Variants in MYCBPAP observed in about 807,000 individuals in gnomAD.
MYCBPAP encodes MYCBP-associated protein.
MYCBPAP carries 60 observed loss-of-function variants against 106.1 expected under a neutral mutation model. The ratio of observed to expected loss-of-function variants is 0.57; its 90% CI spans 0.46 to 0.70. MYCBPAP has a LOEUF of 0.70. Ranked by LOEUF, MYCBPAP falls within the 30% of genes least tolerant of loss-of-function variation. The pLI is 0.00. For synonymous variants in MYCBPAP, 407 were observed against 440.6 expected, an observed-to-expected ratio of 0.92 and a Z score of 0.95; for missense variants, 1,064 against 1,169.3, an observed-to-expected ratio of 0.91 and a Z score of 1.31.
At chr17:50,519,191 C>A in intron 6 of MYCBPAP, 102 bp downstream of exon 6, 1 of 804,382 alleles carries the variant, frequency 1.2e-6, no homozygotes, top group Non-Finnish European at 2.0e-6. Flanking sequence ...GGTGGCACAG[C>A]TGGGGAGAAA....
chr17:50,529,734 G>A (rs2034574055), intron 18 of MYCBPAP: 1 of 456,170 alleles, frequency 2.2e-6, no homozygotes, highest in African/African-American at 2.0e-5. Context: ...CAGAGAGGAA[G>A]GAAGCCCTTC....
At chr17:50,516,420 C>T in intron 1 of MYCBPAP, 150 bp from the exon 2 acceptor site, 1 of 969,060 alleles carries the variant, frequency 1.0e-6, no homozygotes, top group East Asian at 2.8e-5. Context: ...ACCCAGGCCA[C>T]CTTGGCAGCC....
At chr17:50,510,591 T>TCATAGC (rs939980428) in intron 1 of MYCBPAP, among the ~76,000 whole-genome samples, 1 of 142,864 alleles carries the variant, frequency 7.0e-6, no homozygotes, top group African/African-American at 2.6e-5. Context: ...CGTGGTACAG[T>TCATAGC]CATAGGTCAC....
chr17:50,529,092 T>C lies in MYCBPAP; in HGVS notation c.2628T>C (p.Phe876=). 1 of 1,614,152 alleles carries C rather than the reference T, an allele frequency of 6.2e-7. No homozygotes were observed. Among genetic ancestry groups the C allele is most frequent in the Middle Eastern group, 1.7e-4 (1 of 6,026 alleles). Residue 876 remains phenylalanine, a synonymous_variant, in exon 18 of 19, where the codon TTT becomes TTC. Transcript: ENST00000323776. ...KVIKSASQDR[F]SLEDPTPDII... is the part of the protein sequence containing the mutation. ...TAAAATCTGCAAGTCAGGACAGGTT[T>C]TCTTTGGAAGACCCTACCCCTGACA...
Position 50,522,989 on chromosome 17 carries a change from G to A in MYCBPAP, c.1308G>A (p.Glu436=). 1 of 1,613,934 alleles carries A rather than the reference G, an allele frequency of 6.2e-7. No homozygotes were observed. The highest frequency in any genetic ancestry group is 8.5e-7 in the Non-Finnish European group (1 of 1,179,886). The change falls in exon 11 of 19, where the codon GAG becomes GAA. Residue 436 remains glutamate, a synonymous_variant. Transcript: ENST00000323776. ...AHLTFETLEG[E]KTSSELTVVN... ...TGACCTTTGAAACCCTAGAAGGCGA[G>A]AAAACCTCCTCAGAACTGACTGTGG...
rs920888173 is a variant in MYCBPAP, at chr17:50,529,688, C to T, written c.2724+500C>T. ...GGGTCTGATAGGCTTTAGAAGGTGG[C>T]TCTGGCCGCCCTTTGGAGAACAGAC... On this transcript the variant is annotated intron_variant, in intron 18 of 18. Transcript: ENST00000323776. 4 of 451,820 alleles carry T rather than the reference C, an allele frequency of 8.9e-6. No homozygotes were observed. In the Admixed American group the frequency reaches 9.4e-5, roughly 11 times the overall value. The allele number at this position is 451,820 out of a possible 1,614,324, so 28.0% of individuals were successfully genotyped here.
At chr17:50,518,816 C>A in intron 5 of MYCBPAP, 92 bp downstream of exon 5, 1 of 1,521,484 alleles carries the variant, frequency 6.6e-7, no homozygotes, top group South Asian at 1.2e-5. Flanking sequence ...TGGCCTTGGG[C>A]TGACCACATT....
At chr17:50,530,697 C>T (rs1173091335) in intron 18 of MYCBPAP, among the ~76,000 whole-genome samples, 1 of 151,910 alleles carries the variant, frequency 6.6e-6, no homozygotes, top group Non-Finnish European at 1.5e-5. Context: ...GGGTCAGTCC[C>T]AGAGACCTTT....
In MYCBPAP at chr17:50,526,081, G is replaced by A. The variant is rs910962598; in HGVS notation, c.1983G>A (p.Glu661=). 1 of 1,613,944 alleles carries A rather than the reference G, an allele frequency of 6.2e-7. No individual in the cohort carries two copies. Among genetic ancestry groups the A allele is most frequent in the Non-Finnish European group, 8.5e-7 (1 of 1,180,028 alleles). The part of the protein sequence containing the change: ...PISETQVPRP[E]NEALRESGSQ... ...CCGAAACTCAAGTGCCCCGGCCTGA[G>A]AACGAGGCCCTCAGGGAATCCGGGT... The change falls in exon 14 of 19, where the codon GAG becomes GAA. Residue 661 remains glutamate, a synonymous_variant. Transcript: ENST00000323776.
intron 18 of MYCBPAP, chr17:50,529,797 C>T (rs1397810435): frequency 2.2e-6 from 1 of 456,580 alleles, no homozygotes; most frequent in Non-Finnish European, 4.4e-6. Context: ...CTTGGGAGAA[C>T]ACCATGCAGG....
In MYCBPAP at chr17:50,508,607, G is replaced by A. The variant is rs767627585; in HGVS notation, c.-68G>A. ...CGCAGTGGCGGCCGTTGGCTGGCGG[G>A]TGCGGCGCAGCCTCGGTGTCTCTGG... On this transcript the variant is annotated 5_prime_UTR_variant, in exon 1 of 19. It adds an upstream start codon to the 5' untranslated region. Coordinates refer to ENST00000323776, the MANE Select transcript of MYCBPAP (RefSeq NM_032133.6). The A allele has an allele frequency of 2.6e-6, 4 of 1,557,434 alleles. No homozygotes were observed. The highest frequency in any genetic ancestry group is 4.9e-5 in the East Asian group (2 of 41,120).
At chr17:50,519,523 A>G (rs555677723) in intron 6 of MYCBPAP, 117 bp from the exon 7 acceptor site, 4 of 1,246,212 alleles carry the variant, frequency 3.2e-6, no homozygotes, top group South Asian at 2.9e-5. Flanking sequence ...CACGGCAGCA[A>G]TGAATTCCCC....
rs185506571 is a variant in MYCBPAP, at chr17:50,521,492, T to C, written c.1148+61T>C. 51 of 1,280,646 alleles carry C rather than the reference T, an allele frequency of 4.0e-5. 1 individual carries two copies. The African/African-American group carries it at 6.7e-4, about 17-fold the overall frequency. The allele number at this position is 1,280,646 out of a possible 1,614,324, so 79.3% of individuals were successfully genotyped here. ...AGAGTTCTCCAGCACCTACCAGTAT[T>C]AAAGAGCGGGCTTCCCTCCCTGAGA... On this transcript the variant is annotated intron_variant, in intron 9 of 18. Transcript: ENST00000323776.
At chr17:50,508,323 C>T (rs900816232), upstream of MYCBPAP, 4 of 467,752 alleles carry the variant, frequency 8.6e-6, no homozygotes, top group Non-Finnish European at 1.1e-5. Context: ...TCCCACCCAG[C>T]CCTCGGCTCC....
At chr17:50,516,757 T>A in intron 2 of MYCBPAP, 60 bp downstream of exon 2, 1 of 1,602,400 alleles carries the variant, frequency 6.2e-7, no homozygotes, top group Non-Finnish European at 8.5e-7. Flanking sequence ...GCAGCCTGAG[T>A]GGTCTAGAAC....
At chr17:50,512,037 C>T (rs2033869706) in intron 1 of MYCBPAP, among the ~76,000 whole-genome samples, 1 of 151,006 alleles carries the variant, frequency 6.6e-6, no homozygotes, top group African/African-American at 2.5e-5. Flanking sequence ...ACCTCTCCAC[C>T]TCCCCAGCAA....
At position 50,528,226 on chromosome 17, in the gene MYCBPAP, T is replaced by C. The variant is rs1173244933; in HGVS notation, c.2363T>C (p.Leu788Pro). Residue 788 changes from leucine to proline, a missense_variant, in exon 16 of 19, where the codon CTG becomes CCG. Transcript: ENST00000323776. ...ATGTGGCTGAGGTCTGTGCTGGGCC[T>C]GCCTGAGAAGGAGACCATCTATTTG... Reference protein sequence around the residue: ...HSMWLRSVLGLPEKETIYLNV... With the variant: ...HSMWLRSVLGPPEKETIYLNV... The C allele has an allele frequency of 6.2e-7, 1 of 1,614,140 alleles. No individual in the cohort carries two copies. Among genetic ancestry groups the C allele is most frequent in the Admixed American group, 1.7e-5 (1 of 60,020 alleles).
Position 50,517,308 on chromosome 17 carries a change from C to T in MYCBPAP, c.220C>T (p.Leu74Phe). The T allele has an allele frequency of 6.2e-7, 1 of 1,614,150 alleles. No individual in the cohort carries two copies. The highest frequency in any genetic ancestry group is 8.5e-7 in the Non-Finnish European group (1 of 1,180,034). The change falls in exon 3 of 19, where the codon CTT becomes TTT. Residue 74 changes from leucine to phenylalanine, a missense_variant. Leu to Phe is a conservative substitution (Grantham distance 22). Coordinates refer to ENST00000323776, the MANE Select transcript of MYCBPAP (RefSeq NM_032133.6). ...TTCTTTTTAGCAACACATTCCTCGC[C>T]TTACTGAAAAGGAAGATAAACGTGT... ...EDLKEQHIPRLTEKEDKRVIT... is the reference protein window; with the variant it reads ...EDLKEQHIPRFTEKEDKRVIT...
At chr17:50,508,781 G>A in intron 1 of MYCBPAP, 31 bp downstream of exon 1, 1 of 1,578,190 alleles carries the variant, frequency 6.3e-7, no homozygotes, top group South Asian at 1.1e-5. Context: ...GCGCTCGGGA[G>A]AACCCGAGAG....
Sources: allele counts gnomAD v4.1 joint callset (sites outside exome capture counted in the v4.1 genomes callset), GRCh38; gene constraint gnomAD v4.1.1; transcripts MANE v1.5; gene names NCBI Gene and HGNC (gene_info 2026-07-23, HGNC 2026-07-21).